Variants in TMEM223 observed in about 807,000 individuals in gnomAD.
TMEM223 encodes the protein transmembrane protein 223.
A neutral mutation model predicts 14.1 loss-of-function variants in TMEM223; 14 were observed. That is an observed-to-expected ratio of 0.99 (90% CI 0.66 to 1.55). TMEM223 has a LOEUF of 1.55. Ranked by LOEUF, TMEM223 falls within the 40% of genes most tolerant of loss-of-function variation. The pLI is 0.00. For synonymous variants in TMEM223, 145 were observed against 120.5 expected, an observed-to-expected ratio of 1.20 and a Z score of -1.33; for missense variants, 346 against 269.9, an observed-to-expected ratio of 1.28 and a Z score of -1.97.
At position 62,778,333 on chromosome 11, in the gene TMEM223, C is replaced by T. The variant is rs764749953; in HGVS notation, c.315-3668G>A. The T allele has an allele frequency of 4.2e-5, 68 of 1,614,020 alleles. No homozygotes were observed. Among genetic ancestry groups the T allele is most frequent in the Non-Finnish European group, 5.3e-5 (63 of 1,180,040 alleles). Reference sequence around the variant, plus strand: ...AAAGGGAACCTGGCACCTCAAGGATCGGGTAAGGGGTGATGTAGGAAACAG... The same window carrying T: ...AAAGGGAACCTGGCACCTCAAGGATTGGGTAAGGGGTGATGTAGGAAACAG... On this transcript the variant is annotated intron_variant, in intron 1 of 2. Coordinates refer to the TMEM223 transcript ENST00000528367.
chr11:62,788,640 C>T (rs1311109993), downstream of TMEM223, among the ~76,000 whole-genome samples: 1 of 141,102 alleles, frequency 7.1e-6, no homozygotes. Context: ...GAAGGCAGAG[C>T]GTGCAGTGAG....
At chr11:62,787,591 C>CT, downstream of TMEM223, 2 of 1,443,048 alleles carry the variant, frequency 1.4e-6, no homozygotes, top group Non-Finnish European at 1.8e-6. Flanking sequence ...GGCGAGGCCA[C>CT]TTTCGCTTTC....
At chr11:62,782,539 C>G (rs1349523756), downstream of TMEM223, 2 of 1,191,304 alleles carry the variant, frequency 1.7e-6, no homozygotes, top group East Asian at 2.4e-5. Flanking sequence ...CTTCAGCCCT[C>G]AGGTCCTAGG....
downstream of TMEM223, chr11:62,787,426 G>A (rs1201794040): frequency 7.1e-6 from 11 of 1,560,214 alleles, no homozygotes; most frequent in Non-Finnish European, 7.8e-6. Flanking sequence ...TGGTGGTCAG[G>A]GCGCCATGGC....
rs181026151 is a variant in TMEM223 at position 62,790,967 on chromosome 11, A to G, written c.317-52T>C. 53 of 1,467,728 alleles carry G rather than the reference A, an allele frequency of 3.6e-5. No individual in the cohort carries two copies. The East Asian group carries it at 4.9e-4, about 14-fold the overall frequency. The allele number at this position is 1,467,728 out of a possible 1,614,324, so 90.9% of individuals were successfully genotyped here. ...AGGGGTTTTCACTGGGCATCTAAGTACCGACCTTTCCAGTGCCCTCTGAAT... is the reference window on the plus strand; with the variant it reads ...AGGGGTTTTCACTGGGCATCTAAGTGCCGACCTTTCCAGTGCCCTCTGAAT... On this transcript the variant is annotated intron_variant, in intron 1 of 1. Transcript: ENST00000307366.
intron 1 of TMEM223, chr11:62,776,602 G>A (rs570174307): frequency 2.6e-5 from 23 of 872,516 alleles, no homozygotes; most frequent in Admixed American, 4.4e-5. Flanking sequence ...TGTAATCCCA[G>A]CACTTTGGGA....
chr11:62,787,568 C>G, downstream of TMEM223: 1 of 1,495,630 alleles, frequency 6.7e-7, no homozygotes. Flanking sequence ...GGGGAGCTGG[C>G]CGGTCTGGAC....
rs1030083997 is a variant in TMEM223 at position 62,777,848 on chromosome 11, A to G, written c.315-3183T>C. On this transcript the variant is annotated intron_variant, in intron 1 of 2. Coordinates refer to the TMEM223 transcript ENST00000528367. Reference sequence around the variant, plus strand: ...TGGCTCTGAGTCCCAGGCTTCCACCACTTTTCTTGGGACTTCTGGACTTCC... The same window carrying G: ...TGGCTCTGAGTCCCAGGCTTCCACCGCTTTTCTTGGGACTTCTGGACTTCC... 3.5e-6 allele frequency: 4 copies of G among 1,133,062 alleles called. No individual in the cohort carries two copies. In the African/African-American group the frequency reaches 4.7e-5, roughly 13 times the overall value. 70.2% of individuals were successfully genotyped at this position (1,133,062 alleles called of 1,614,324 possible).
downstream of TMEM223, chr11:62,788,962 C>G: frequency 2.6e-6 from 4 of 1,528,400 alleles, no homozygotes; most frequent in Non-Finnish European, 3.6e-6. Context: ...AACACCCTAC[C>G]AAGAGACTGT....
At chr11:62,778,267 T>A (rs764315799) in intron 1 of TMEM223, 1 of 1,614,130 alleles carries the variant, frequency 6.2e-7, no homozygotes, top group Admixed American at 1.7e-5. Flanking sequence ...CTGACACATC[T>A]CTCTGCACTG....
downstream of TMEM223, among the ~76,000 whole-genome samples, chr11:62,788,529 C>T (rs1449912414): frequency 6.6e-6 from 1 of 151,898 alleles, no homozygotes; most frequent in African/African-American, 2.4e-5. Context: ...ACGGTGAAAC[C>T]CTGTCTCTAC....
At chr11:62,787,316 C>G (rs758234661), downstream of TMEM223, 236 of 1,527,096 alleles carry the variant, frequency 1.5e-4, no homozygotes, top group Non-Finnish European at 1.9e-4. Context: ...CCCTTCGTTC[C>G]TTGTAAATAA....
intron 1 of TMEM223, chr11:62,778,359 G>T: frequency 4.3e-6 from 7 of 1,614,082 alleles, no homozygotes; most frequent in Non-Finnish European, 5.9e-6. Context: ...TAGGAAACAG[G>T]CTCTTTGGAT....
At chr11:62,777,943 G>A (rs1183715967) in intron 1 of TMEM223, 1 of 1,610,172 alleles carries the variant, frequency 6.2e-7, no homozygotes, top group African/African-American at 1.3e-5. Flanking sequence ...TCCCTCCCTG[G>A]ATTCAGGCTG....
downstream of TMEM223, chr11:62,788,998 A>G: frequency 1.3e-6 from 2 of 1,597,140 alleles, no homozygotes; most frequent in Non-Finnish European, 1.7e-6. Context: ...CCTGAAATCT[A>G]GGACTCAGCA....
downstream of TMEM223, chr11:62,789,520 C>T: frequency 1.3e-6 from 2 of 1,589,970 alleles, no homozygotes. Flanking sequence ...CAGTTGCTCT[C>T]AACTCACAGG....
rs554642221 is a variant in TMEM223 at position 62,772,117 on chromosome 11, G to A, written c.403C>T (p.Leu135Phe). 1.8e-5 allele frequency: 8 copies of A among 456,194 alleles called. No individual in the cohort carries two copies. The East Asian group carries it at 5.6e-4, about 32-fold the overall frequency. The allele number at this position is 456,194 out of a possible 1,614,324, so 28.3% of individuals were successfully genotyped here. Residue 135 changes from leucine to phenylalanine, a missense_variant, in exon 3 of 3, where the codon CTC (leucine) becomes TTC (phenylalanine). Coordinates refer to the TMEM223 transcript ENST00000528367. Reference sequence around the variant, plus strand: ...AAGTCATGGAACATTTAGCCTCTGAGGTTTGATTTCCTTGCCTGTGAAATA... The same window carrying A: ...AAGTCATGGAACATTTAGCCTCTGAAGTTTGATTTCCTTGCCTGTGAAATA...
rs1365458769 is a variant in TMEM223, at chr11:62,791,923, G to A, written c.72C>T (p.Pro24=). The change falls in exon 1 of 2, where the codon CCC becomes CCT. Residue 24 remains proline (P), a synonymous_variant. Transcript: ENST00000307366. ...CCCGTTGCAGCGTCGTGCCTTGCAG[G>A]GGCCGGCAGGTGAGCAGGGGCCGCA... The part of the protein sequence containing the change: ...AVLRPLLTCR[P]LQGTTLQRDV... The A allele has an allele frequency of 1.9e-6, 3 of 1,598,484 alleles. No individual in the cohort carries two copies. Among genetic ancestry groups the A allele is most frequent in the East Asian group, 4.5e-5 (2 of 44,166 alleles).
At chr11:62,787,156 C>T (rs746524488), downstream of TMEM223, 96 of 1,577,754 alleles carry the variant, frequency 6.1e-5, no homozygotes, top group Non-Finnish European at 7.2e-5. Flanking sequence ...CCGCGGGCGC[C>T]TTTTCCAGAC....
Sources: allele counts gnomAD v4.1 joint callset (sites outside exome capture counted in the v4.1 genomes callset), GRCh38; gene constraint gnomAD v4.1.1; transcripts MANE v1.5; gene names NCBI Gene and HGNC (gene_info 2026-07-23, HGNC 2026-07-21).